Variants in CLCN3 observed in about 807,000 individuals in gnomAD.
The protein encoded by CLCN3 is H(+)/Cl(-) exchange transporter 3.
A neutral mutation model predicts 83.4 loss-of-function variants in CLCN3; 16 were observed. The ratio of observed to expected loss-of-function variants is 0.19; its 90% confidence interval spans 0.13 to 0.29. The LOEUF (loss-of-function observed/expected upper bound fraction) is 0.29. Among genes scored for constraint, CLCN3 ranks in the 10% least tolerant of loss-of-function variants. CLCN3 has a pLI of 1.00. For synonymous variants in CLCN3, 322 were observed against 346.2 expected, an observed-to-expected ratio of 0.93 and a Z score of 0.78; for missense variants, 544 against 1,006.0, an observed-to-expected ratio of 0.54 and a Z score of 6.21.
intron 2 of CLCN3, among the ~76,000 whole-genome samples, chr4:169,655,973 A>C (rs1730870396): frequency 1.3e-5 from 2 of 152,090 alleles, no homozygotes; most frequent in South Asian, 4.1e-4. Flanking sequence ...TGTCAGTTTT[A>C]AGAATTTCCA....
At chr4:169,688,984 G>A (rs1234673376) in intron 4 of CLCN3, 59 bp from the exon 5 acceptor site, 1 of 1,499,518 alleles carries the variant, frequency 6.7e-7, no homozygotes, top group Non-Finnish European at 9.2e-7. Flanking sequence ...TAACTAGATT[G>A]TTCTCGACTC....
chr4:169,644,699 A>C (rs1730522404), intron 2 of CLCN3, among the ~76,000 whole-genome samples: 1 of 152,120 alleles, frequency 6.6e-6, no homozygotes, highest in Non-Finnish European at 1.5e-5. Flanking sequence ...CCATCCCCAC[A>C]CCCGAATTCC....
At position 169,629,638 on chromosome 4, in the gene CLCN3, C is replaced by T. The variant is rs187748650; in HGVS notation, c.-16-6275C>T. 8.5e-5 allele frequency among the ~76,000 whole-genome samples: 13 copies of T among 152,142 alleles called. No individual in the cohort carries two copies. In the East Asian group the frequency reaches 1.2e-3, roughly 14 times the overall value. ...TGCCCTCCTGGGCCTCTTAAAGTGCCGAGATTACAGCTGTGAGCCACTGCG... is the reference window on the plus strand; with the variant it reads ...TGCCCTCCTGGGCCTCTTAAAGTGCTGAGATTACAGCTGTGAGCCACTGCG... On this transcript the variant is annotated intron_variant, in intron 1 of 12. Coordinates refer to ENST00000513761, the MANE Select transcript of CLCN3 (RefSeq NM_001829.4).
At chr4:169,683,380 A>C (rs1319819882) in intron 3 of CLCN3, among the ~76,000 whole-genome samples, 4 of 152,186 alleles carry the variant, frequency 2.6e-5, no homozygotes, top group Admixed American at 2.6e-4. Context: ...CTATAGTCCT[A>C]GCTACTCGGA....
chr4:169,719,794 C>T, intron 12 of CLCN3, 113 bp from the exon 13 acceptor site: 5 of 724,528 alleles, frequency 6.9e-6, no homozygotes, highest in Non-Finnish European at 1.1e-5. Context: ...AATACAAAAT[C>T]AGGCTGCTTG....
At chr4:169,719,447 G>C (rs1411764242) in intron 12 of CLCN3, among the ~76,000 whole-genome samples, 1 of 152,194 alleles carries the variant, frequency 6.6e-6, no homozygotes, top group Non-Finnish European at 1.5e-5. Flanking sequence ...CTGGGCTACA[G>C]AGCGAGACTC....
In CLCN3 at chr4:169,680,318, A is replaced by G. The variant is rs1731888048; in HGVS notation, c.318+111A>G. The G allele has an allele frequency of 2.4e-5, 18 of 740,080 alleles. No individual in the cohort carries two copies. The South Asian group carries it at 3.7e-4, about 15-fold the overall frequency. The allele number at this position is 740,080 out of a possible 1,614,324, so 45.8% of individuals were successfully genotyped here. A position where few individuals can be genotyped will look rare whatever the true frequency, so the allele number is the denominator to read the frequency against. On this transcript the variant is annotated intron_variant, in intron 3 of 12. Coordinates refer to ENST00000513761, the MANE Select transcript of CLCN3 (RefSeq NM_001829.4). ...CCAAATGTTTACATTTAATATAAGT[A>G]AATGTCTACATTTCATATGTGGTAC...
At chr4:169,658,949 T>G (rs1730964600) in intron 2 of CLCN3, among the ~76,000 whole-genome samples, 1 of 152,118 alleles carries the variant, frequency 6.6e-6, no homozygotes, top group African/African-American at 2.4e-5. Flanking sequence ...AAGTAAAATT[T>G]AGTACTCCAC....
chr4:169,653,234 A>ATG (rs759572344), intron 2 of CLCN3, among the ~76,000 whole-genome samples: 101 of 151,388 alleles, frequency 6.7e-4, no homozygotes, highest in Admixed American at 1.3e-3. Context: ...TGATTTGTAT[A>ATG]TGTGTGTGTG....
intron 3 of CLCN3, among the ~76,000 whole-genome samples, chr4:169,684,512 A>G (rs539820540): frequency 6.6e-6 from 1 of 152,264 alleles, no homozygotes; most frequent in South Asian, 2.1e-4. Flanking sequence ...TTAGTTTGCT[A>G]TCTGTGTCCT....
chr4:169,700,509 G>A (rs1016917772), intron 9 of CLCN3, among the ~76,000 whole-genome samples: 15 of 152,082 alleles, frequency 9.9e-5, no homozygotes, highest in Non-Finnish European at 2.1e-4. Flanking sequence ...CCTTTGGGAG[G>A]CCTTGGCCTC....
chr4:169,656,967 C>G (rs1236114145), intron 2 of CLCN3, among the ~76,000 whole-genome samples: 1 of 152,060 alleles, frequency 6.6e-6, no homozygotes, highest in East Asian at 1.9e-4. Context: ...AATAAAAAAT[C>G]TTTTCATTAT....
chr4:169,679,912 G>A (rs190613909), intron 2 of CLCN3, 138 bp from the exon 3 acceptor site: 16 of 628,470 alleles, frequency 2.5e-5, no homozygotes, highest in Non-Finnish European at 3.4e-5. Flanking sequence ...GGGGGAGACC[G>A]TGGAAAGCGG....
At chr4:169,659,665 ACT>A (rs111227058) in intron 2 of CLCN3, among the ~76,000 whole-genome samples, 13,836 of 152,048 alleles carry the variant, frequency 0.091, 656 homozygotes, top group African/African-American at 0.12. Flanking sequence ...ACACTATTCA[ACT>A]CTTCAGTTAT....
chr4:169,679,626 C>T (rs1461019410), intron 2 of CLCN3, among the ~76,000 whole-genome samples: 2 of 152,162 alleles, frequency 1.3e-5, no homozygotes, highest in East Asian at 1.9e-4. Flanking sequence ...AGCGAGACTC[C>T]GTCTGCAATC....
intron 9 of CLCN3, among the ~76,000 whole-genome samples, 163 bp downstream of exon 9, chr4:169,697,897 C>A (rs1732628653): frequency 6.6e-6 from 1 of 152,116 alleles, no homozygotes; most frequent in Admixed American, 6.5e-5. Context: ...ATATTGTTGA[C>A]CATGTTATCT....
chr4:169,713,417 G>A (rs1733301410), intron 12 of CLCN3, 122 bp downstream of exon 12: 6 of 690,002 alleles, frequency 8.7e-6, no homozygotes, highest in Non-Finnish European at 1.5e-5. Context: ...CTGTCCTATG[G>A]TATAGTCACA....
At chr4:169,642,868 A>G (rs1730457182) in intron 2 of CLCN3, 2 of 152,318 alleles carry the variant, frequency 1.3e-5, no homozygotes, top group Non-Finnish European at 2.9e-5. Context: ...TCCTACTTGA[A>G]TCACAAGATT....
chr4:169,691,037 C>T lies in CLCN3; in HGVS notation c.729+385C>T, dbSNP rs115253019. Among the ~76,000 whole-genome samples the T allele has an allele frequency of 5.6e-3, 847 of 151,832 alleles. 9 individuals carry two copies. Among genetic ancestry groups the T allele is most frequent in the African/African-American group, 0.02 (810 of 41,364 alleles). On this transcript the variant is annotated intron_variant, in intron 6 of 12. Transcript: ENST00000513761. Reference sequence around the variant, plus strand: ...TTTTTGAGACTGAGTCTTGTGCTGTCGCCCAGACTGGAGTGCAGTGGCGCA... The same window carrying T: ...TTTTTGAGACTGAGTCTTGTGCTGTTGCCCAGACTGGAGTGCAGTGGCGCA...
Sources: gnomAD v4.1 joint callset for allele counts (sites outside exome capture counted in the v4.1 genomes callset) on GRCh38, gnomAD v4.1.1 for gene constraint, MANE v1.5 for transcripts, NCBI Gene and HGNC (gene_info 2026-07-23, HGNC 2026-07-21) for gene names.